The following DKC1 variants were observed in gnomAD, a reference collection of about 807,000 sequenced individuals.
DKC1 encodes dyskerin pseudouridine synthase 1, also known as H/ACA ribonucleoprotein complex subunit DKC1.
In DKC1, 4 loss-of-function variants were observed where a neutral mutation model predicts 46.7. The ratio of observed to expected loss-of-function variants is 0.09; its 90% CI spans 0.04 to 0.20. DKC1 has a LOEUF of 0.20. Among genes scored for constraint, DKC1 ranks in the 10% least tolerant of loss-of-function variants. The probability of loss-of-function intolerance (pLI) is 1.00; values close to 1 mark genes in which losing one functional copy is unlikely to be tolerated. For missense variants in DKC1, 171 were observed against 404.2 expected, an observed-to-expected ratio of 0.42 and a Z score of 4.95; for synonymous variants, 141 against 142.4, an observed-to-expected ratio of 0.99 and a Z score of 0.07.
chrX:154,770,952 T>C, intron 10 of DKC1, 73 bp downstream of exon 10: 1 of 1,072,107 alleles, frequency 9.3e-7, no homozygotes, highest in Non-Finnish European at 1.3e-6. Flanking sequence ...TTTATGGGGT[T>C]CATGAGATGT....
intron 8 of DKC1, 143 bp from the exon 9 acceptor site, chrX:154,769,024 C>T (rs2071788820): frequency 7.1e-6 from 3 of 419,719 alleles, no homozygotes; most frequent in Admixed American, 7.7e-5. Flanking sequence ...AAAAAAGATG[C>T]CTGGAAGAGC....
rs1351473855 is a variant in DKC1, at chrX:154,766,489, C to T, written c.448+89C>T. 30 of 888,049 alleles carry T rather than the reference C, an allele frequency of 3.4e-5. No individual in the cohort carries two copies. The East Asian group carries it at 9.6e-4, about 29-fold the overall frequency. The allele number at this position is 888,049 out of a possible 1,213,427, so 73.2% of individuals were successfully genotyped here. A position where few individuals can be genotyped will look rare whatever the true frequency, so the allele number is the denominator to read the frequency against. On this transcript the variant is annotated intron_variant, in intron 5 of 14. Transcript: ENST00000369550. ...TTTTGTCTGCTGGAAACTATTTCTT[C>T]ATTAAGAAAAAAAAAAATCCTAAAG...
intron 1 of DKC1, among the ~76,000 whole-genome samples, chrX:154,763,560 A>G (rs1345087153): frequency 1.8e-5 from 2 of 112,352 alleles, no homozygotes; most frequent in South Asian, 3.7e-4. Flanking sequence ...CGACACGTGC[A>G]GTAGCCTACA....
chrX:154,762,955 T>G lies in DKC1; in HGVS notation c.-11T>G. The G allele has an allele frequency of 8.5e-7, 1 of 1,181,544 alleles. No homozygotes were observed. The highest frequency in any genetic ancestry group is 1.1e-6 in the Non-Finnish European group (1 of 880,171). ...TGTGGACCGGGCGGCACGCACGCGG[T>G]GCAGGGTAACATGGCGGATGCGGAA... On this transcript the variant is annotated 5_prime_UTR_variant, in exon 1 of 15. Transcript: ENST00000369550.
chrX:154,769,136 T>C, intron 8 of DKC1, 31 bp from the exon 9 acceptor site: 1 of 1,206,247 alleles, frequency 8.3e-7, no homozygotes, highest in Non-Finnish European at 1.1e-6. Flanking sequence ...ACAAATAAAC[T>C]GAATTATTTT....
At chrX:154,767,843 C>CTTTTTTTTTTTT (rs35184460) in intron 7 of DKC1, among the ~76,000 whole-genome samples, 1 of 65,175 alleles carries the variant, frequency 1.5e-5, no homozygotes, top group Non-Finnish European at 2.7e-5. Context: ...AATTACAGAT[C>CTTTTTTTTTTTT]TTTTTTTTTT....
Position 154,777,521 on chromosome X carries a change from G to A in DKC1, c.*654G>A, listed in dbSNP as rs782540918. On this transcript the variant is annotated 3_prime_UTR_variant, in exon 15 of 15. Transcript: ENST00000369550. Reference sequence around the variant, plus strand: ...TCGTTTACTTTTAAAAAATGAAATTGTTCATTGCTGGGAGAAGAATGTTGT... The same window carrying A: ...TCGTTTACTTTTAAAAAATGAAATTATTCATTGCTGGGAGAAGAATGTTGT... 3.6e-5 allele frequency: 4 copies of A among 112,337 alleles called. No individual in the cohort carries two copies. The highest frequency in any genetic ancestry group is 5.6e-5 in the Non-Finnish European group (3 of 53,310). 9.3% of individuals were successfully genotyped at this position (112,337 alleles called of 1,213,427 possible).
Position 154,770,924 on chromosome X carries a change from A to G in DKC1, c.1036+45A>G, listed in dbSNP as rs782608789. On this transcript the variant is annotated intron_variant, in intron 10 of 14. Coordinates refer to ENST00000369550, the MANE Select transcript of DKC1 (RefSeq NM_001363.5). ...TTTTAAATTCTAAATGTTTGTGGTT[A>G]CATACTAGGTGTATATATTTATGGG... 3 of 1,165,705 alleles carry G rather than the reference A, an allele frequency of 2.6e-6. No individual in the cohort carries two copies. In the South Asian group the frequency reaches 5.4e-5, roughly 21 times the overall value.
chrX:154,762,920 T>C lies in DKC1; in HGVS notation c.-46T>C. 8.6e-7 allele frequency: 1 copy of C among 1,169,571 alleles called. No individual in the cohort carries two copies. On this transcript the variant is annotated 5_prime_UTR_variant, in exon 1 of 15. Transcript: ENST00000369550. ...CCAAGGCGGCGGGAGTCTGCGGTCG[T>C]TCCCTCGGCTGTGGACCGGGCGGCA...
At chrX:154,774,440 G>A (rs1302485406) in intron 11 of DKC1, among the ~76,000 whole-genome samples, 162 bp from the exon 12 acceptor site, 5 of 112,296 alleles carry the variant, frequency 4.5e-5, no homozygotes, top group African/African-American at 6.5e-5. Flanking sequence ...AACAAGTCCT[G>A]TGTGTGTTGG....
intron 10 of DKC1, among the ~76,000 whole-genome samples, chrX:154,771,506 A>G (rs1356849927): frequency 3.1e-4 from 31 of 98,486 alleles, no homozygotes; most frequent in Admixed American, 3.0e-3. Flanking sequence ...TTTTGTACCC[A>G]TTAACCATCC....
chrX:154,764,867 A>G (rs782005369), intron 1 of DKC1, 32 bp from the exon 2 acceptor site: 7 of 1,115,250 alleles, frequency 6.3e-6, no homozygotes, highest in Non-Finnish European at 8.7e-6. Context: ...ATTCTTGGGG[A>G]AAATTCCCAA....
At chrX:154,776,065 G>A in intron 13 of DKC1, 122 bp from the exon 14 acceptor site, 1 of 935,612 alleles carries the variant, frequency 1.1e-6, no homozygotes, top group South Asian at 2.0e-5. Flanking sequence ...TTTGTAGTCA[G>A]AAAACGTCCT....
chrX:154,764,254 C>T lies in DKC1; in HGVS notation c.17-645C>T, dbSNP rs1050049834. ...GTATGTATATTATATATATATAGTACACAAGGTTATAAGTGGTGCACCCGT... is the reference window on the plus strand; with the variant it reads ...GTATGTATATTATATATATATAGTATACAAGGTTATAAGTGGTGCACCCGT... On this transcript the variant is annotated intron_variant, in intron 1 of 14. Transcript: ENST00000369550. 5.6e-5 allele frequency among the ~76,000 whole-genome samples: 6 copies of T among 107,583 alleles called. No homozygotes were observed. The Admixed American group carries it at 6.0e-4, about 11-fold the overall frequency. The allele number at this position is 107,583 out of a possible 115,157, so 93.4% of individuals were successfully genotyped here. A position where few individuals can be genotyped will look rare whatever the true frequency, so the allele number is the denominator to read the frequency against.
At chrX:154,771,187 G>GGTT (rs2071820394) in intron 10 of DKC1, among the ~76,000 whole-genome samples, 1 of 64,487 alleles carries the variant, frequency 1.6e-5, no homozygotes. Flanking sequence ...TGGTGGTGGT[G>GGTT]TTTTTTTTTT....
At chrX:154,769,684 T>C (rs1005963137) in intron 9 of DKC1, among the ~76,000 whole-genome samples, 59 of 112,461 alleles carry the variant, frequency 5.2e-4, no homozygotes, top group African/African-American at 1.7e-3. Flanking sequence ...TAAAAATTTC[T>C]GGATATTTAA....
chrX:154,774,733 G>A (rs1557265441), intron 12 of DKC1, 28 bp downstream of exon 12: 1 of 1,150,627 alleles, frequency 8.7e-7, no homozygotes, highest in East Asian at 3.0e-5. Flanking sequence ...CAGAGCCGGG[G>A]TGGGTAGAGA....
At chrX:154,771,485 A>ATTTTT (rs58087354) in intron 10 of DKC1, among the ~76,000 whole-genome samples, 12 of 95,889 alleles carry the variant, frequency 1.3e-4, no homozygotes, top group African/African-American at 4.6e-4. Flanking sequence ...GCCGGGCCTG[A>ATTTTT]TTTTTTTTTT....
chrX:154,766,813 G>A (rs2071751371), intron 5 of DKC1, among the ~76,000 whole-genome samples, 184 bp from the exon 6 acceptor site: 1 of 112,215 alleles, frequency 8.9e-6, no homozygotes, highest in Admixed American at 9.4e-5. Context: ...TTCCCAGTGA[G>A]AAAGTGTCTT....
Sources: gnomAD v4.1 joint callset for allele counts (sites outside exome capture counted in the v4.1 genomes callset) on GRCh38, gnomAD v4.1.1 for gene constraint, MANE v1.5 for transcripts, NCBI Gene and HGNC (gene_info 2026-07-23, HGNC 2026-07-21) for gene names.